The following ACP2 variants were observed in gnomAD, a reference collection of about 807,000 sequenced individuals.
ACP2 encodes lysosomal acid phosphatase.
ACP2 carries 35 observed loss-of-function variants against 54.7 expected under a neutral mutation model. That is an observed-to-expected ratio of 0.64 (90% CI 0.49 to 0.85). ACP2 has a LOEUF of 0.85. Among genes scored for constraint, ACP2 ranks in the 40% least tolerant of loss-of-function variants. The pLI is 0.00. For missense variants in ACP2, 492 were observed against 565.0 expected, an observed-to-expected ratio of 0.87 and a Z score of 1.31; for synonymous variants, 210 against 224.4, an observed-to-expected ratio of 0.94 and a Z score of 0.57.
chr11:47,241,511 C>G (rs1373303434), intron 10 of ACP2, among the ~76,000 whole-genome samples: 1 of 152,090 alleles, frequency 6.6e-6, no homozygotes, highest in South Asian at 2.1e-4. Context: ...GAGCAAAACT[C>G]CATCTCAAAA....
chr11:47,247,562 C>T, intron 3 of ACP2, 79 bp downstream of exon 3: 1 of 1,547,880 alleles, frequency 6.5e-7, no homozygotes, highest in Non-Finnish European at 8.9e-7. Context: ...AGTGCCCAGC[C>T]TCAGCCTTAG....
At chr11:47,243,423 C>T (rs1953947354) in intron 7 of ACP2, 102 bp from the exon 8 acceptor site, 5 of 937,988 alleles carry the variant, frequency 5.3e-6, no homozygotes, top group Non-Finnish European at 8.2e-6. Flanking sequence ...TGGGCCTCAT[C>T]ACCTACACGG....
rs1326853660 is a variant in ACP2 at position 47,245,195 on chromosome 11, G to A, written c.639+110C>T. 5 of 1,227,328 alleles carry A rather than the reference G, an allele frequency of 4.1e-6. No homozygotes were observed. The Admixed American group carries it at 6.7e-5, about 17-fold the overall frequency. The allele number at this position is 1,227,328 out of a possible 1,614,324, so 76.0% of individuals were successfully genotyped here. A position where few individuals can be genotyped will look rare whatever the true frequency, so the allele number is the denominator to read the frequency against. ...CGTGTTTCACAAGCACAGCCTCCCT[G>A]GACCTCCCCAGGGGCGTGACGGTAT... is the stretch of plus-strand genomic sequence containing the variant. On this transcript the variant is annotated intron_variant, in intron 6 of 10. Coordinates refer to ENST00000672073, the MANE Select transcript of ACP2 (RefSeq NM_001610.4).
rs1954174609 is a variant in ACP2, at chr11:47,247,300, G to A, written c.297+341C>T. 3 of 393,492 alleles carry A rather than the reference G, an allele frequency of 7.6e-6. No individual in the cohort carries two copies. The East Asian group carries it at 1.7e-4, about 22-fold the overall frequency. The allele number at this position is 393,492 out of a possible 1,614,324, so 24.4% of individuals were successfully genotyped here. On this transcript the variant is annotated intron_variant, in intron 3 of 10. Transcript: ENST00000672073. ...AAGACAGAGATCATATCTGTATGGT[G>A]CACAACTGAATGCAAAGTGCTAGCA...
rs1449251159 is a variant in ACP2 at position 47,243,088 on chromosome 11, C to A, written c.892G>T (p.Asp298Tyr). 1 of 1,614,224 alleles carries A rather than the reference C, an allele frequency of 6.2e-7. No homozygotes were observed. The highest frequency in any genetic ancestry group is 2.2e-5 in the East Asian group (1 of 44,886). Residue 298 changes from aspartate (D) to tyrosine (Y), a missense_variant, in exon 9 of 11, where the codon GAT becomes TAT. Physicochemically the swap from Asp to Tyr is radical, Grantham distance 160. Coordinates refer to ENST00000672073, the MANE Select transcript of ACP2 (RefSeq NM_001610.4). ...TTLVALQMALDVYNGEQAPYA... is the reference protein window; with the variant it reads ...TTLVALQMALYVYNGEQAPYA... ...GGGGCTTGTTCACCATTGTAGACAT[C>A]CAGTGCCATTTGCAGGGCAACCAGG...
chr11:47,243,058 C>G lies in ACP2; in HGVS notation c.922G>C (p.Ala308Pro), dbSNP rs761987849. ...DVYNGEQAPY[A>P]SCHIFELYQE... is the part of the protein sequence containing the mutation. ...TACAGTTCAAATATGTGGCAGGAGGCGTAGGGGGCTTGTTCACCATTGTAG... is the reference window on the plus strand; with the variant it reads ...TACAGTTCAAATATGTGGCAGGAGGGGTAGGGGGCTTGTTCACCATTGTAG... The change falls in exon 9 of 11, where the codon GCC becomes CCC. Residue 308 changes from alanine (A) to proline (P), a missense_variant. Ala to Pro is a conservative substitution (Grantham distance 27). Transcript: ENST00000672073. The G allele has an allele frequency of 6.2e-7, 1 of 1,614,240 alleles. No individual in the cohort carries two copies. The highest frequency in any genetic ancestry group is 8.5e-7 in the Non-Finnish European group (1 of 1,180,038).
In ACP2 at chr11:47,247,726, T is replaced by G. The variant is rs761206449; in HGVS notation, c.212A>C (p.Glu71Ala). The change falls in exon 3 of 11, where the codon GAG becomes GCG. Residue 71 changes from glutamate to alanine, a missense_variant and splice_region_variant. Glu to Ala is a moderately radical substitution (Grantham distance 107). Coordinates refer to ENST00000672073, the MANE Select transcript of ACP2 (RefSeq NM_001610.4). Reference sequence around the variant, plus strand: ...CAGTTCCCAGTGCTGTAGCATCCCCTCCTGTGGGCAAACCCAAGGGTTAAG... The same window carrying G: ...CAGTTCCCAGTGCTGTAGCATCCCCGCCTGTGGGCAAACCCAAGGGTTAAG... The part of the protein sequence containing the change: ...WPQGFGQLTK[E>A]GMLQHWELGQ... The G allele has an allele frequency of 1.9e-6, 3 of 1,613,304 alleles. No individual in the cohort carries two copies. The African/African-American group carries it at 4.0e-5, about 22-fold the overall frequency.
intron 3 of ACP2, 54 bp downstream of exon 3, chr11:47,247,587 A>C: frequency 1.2e-6 from 2 of 1,607,648 alleles, no homozygotes; most frequent in Non-Finnish European, 1.7e-6. Flanking sequence ...CCTGAGGGCA[A>C]AAGATGAGGG....
rs1362500135 is a variant in ACP2 at position 47,239,337 on chromosome 11, T to C, written c.*779A>G. 9.7e-6 allele frequency: 2 copies of C among 207,248 alleles called. No individual in the cohort carries two copies. Among genetic ancestry groups the C allele is most frequent in the East Asian group, 7.9e-5 (1 of 12,588 alleles). 12.8% of individuals were successfully genotyped at this position (207,248 alleles called of 1,614,324 possible). On this transcript the variant is annotated 3_prime_UTR_variant, in exon 11 of 11. Transcript: ENST00000672073. ...ATAGGAAACAGCACTATTCATTCTC[T>C]GGGAGCTGCCCCAGCCCTATTCTGG... is the stretch of plus-strand genomic sequence containing the variant.
intron 7 of ACP2, 118 bp downstream of exon 7, chr11:47,244,616 GT>G: frequency 1.4e-6 from 1 of 732,728 alleles, no homozygotes; most frequent in Non-Finnish European, 2.0e-6. Flanking sequence ...GGGGGATTTG[GT>G]TTTGAAAGAG....
At position 47,245,362 on chromosome 11, in the gene ACP2, C is replaced by T. The variant is rs766545927; in HGVS notation, c.582G>A (p.Gly194=). 1 of 1,614,124 alleles carries T rather than the reference C, an allele frequency of 6.2e-7. No homozygotes were observed. Among genetic ancestry groups the T allele is most frequent in the South Asian group, 1.1e-5 (1 of 91,070 alleles). The change falls in exon 6 of 11, where the codon GGG becomes GGA. Residue 194 remains glycine (G), a synonymous_variant. Transcript: ENST00000672073. ...CGGTCTCCAGTGTCAGGTCTGTAAG[C>T]CCTGTCTCGTTGGCCACCATGTCCA... ...QFLDMVANET[G]LTDLTLETVW...
chr11:47,243,659 A>C (rs571204292), intron 7 of ACP2, among the ~76,000 whole-genome samples: 52 of 152,268 alleles, frequency 3.4e-4, no homozygotes, highest in African/African-American at 1.2e-3. Context: ...CCGGGTAACT[A>C]CCATATGCTC....
At chr11:47,240,354 C>T (rs1953840054) in intron 10 of ACP2, 105 bp from the exon 11 acceptor site, 3 of 648,646 alleles carry the variant, frequency 4.6e-6, no homozygotes, top group Non-Finnish European at 8.4e-6. Flanking sequence ...GACAGAGTCC[C>T]TGCTCTCATG....
intron 7 of ACP2, among the ~76,000 whole-genome samples, chr11:47,243,654 T>G (rs1432539281): frequency 1.3e-5 from 2 of 152,132 alleles, no homozygotes; most frequent in African/African-American, 2.4e-5. Context: ...CATGCCCGGG[T>G]AACTACCATA....
intron 6 of ACP2, 135 bp downstream of exon 6, chr11:47,245,170 C>G: frequency 9.5e-7 from 1 of 1,049,506 alleles, no homozygotes; most frequent in Non-Finnish European, 1.5e-6. Context: ...GGGAAGTTCC[C>G]GTGTTTCACA....
At chr11:47,244,392 G>A (rs1953975479) in intron 7 of ACP2, among the ~76,000 whole-genome samples, 1 of 152,120 alleles carries the variant, frequency 6.6e-6, no homozygotes, top group Non-Finnish European at 1.5e-5. Context: ...GCATGTGCCT[G>A]CAATCCCAGC....
chr11:47,242,719 T>C lies in ACP2; in HGVS notation c.1138+4A>G, dbSNP rs145123059. 4.9e-4 allele frequency: 788 copies of C among 1,609,880 alleles called. 3 individuals carry two copies. In the African/African-American group the frequency reaches 8.8e-3, roughly 18 times the overall value. On this transcript the variant is annotated splice_donor_region_variant and intron_variant, in intron 10 of 10. Transcript: ENST00000672073. ...GACTAGCAAGGAGGCCGGTGACAGCTCACCTGTGTCTGCAGGACCGCTTGC... is the reference window on the plus strand; with the variant it reads ...GACTAGCAAGGAGGCCGGTGACAGCCCACCTGTGTCTGCAGGACCGCTTGC...
At position 47,245,736 on chromosome 11, in the gene ACP2, C is replaced by T. The variant is rs371621192; in HGVS notation, c.396G>A (p.Pro132=). 78 of 1,613,562 alleles carry T rather than the reference C, an allele frequency of 4.8e-5. No homozygotes were observed. The highest frequency in any genetic ancestry group is 6.4e-5 in the Non-Finnish European group (75 of 1,179,740). The change falls in exon 4 of 11, where the codon CCG becomes CCA. Residue 132 remains proline (P), a synonymous_variant. Coordinates refer to ENST00000672073, the MANE Select transcript of ACP2 (RefSeq NM_001610.4). ...FPPNGMQRFN[P]NISWQPIPVH... ...CAGGAATAGGCTGCCACGAGATGTT[C>T]GGGTTGAAGCGCTGCATCCCGTTGG...
Position 47,239,454 on chromosome 11 carries a change from T to C in ACP2, c.*662A>G, listed in dbSNP as rs1953810213. On this transcript the variant is annotated 3_prime_UTR_variant, in exon 11 of 11. Transcript: ENST00000672073. The stretch of plus-strand genomic sequence containing the variant: ...GCCCAGCTGAGGGAGAGCAGTTTCC[T>C]GATTCGTGTGACAAGCAACTCCCTT... The C allele has an allele frequency of 1.2e-5, 2 of 167,504 alleles. No homozygotes were observed. Among genetic ancestry groups the C allele is most frequent in the Non-Finnish European group, 2.6e-5 (2 of 76,704 alleles). 10.4% of individuals were successfully genotyped at this position (167,504 alleles called of 1,614,324 possible).
Sources: gnomAD v4.1 joint callset for allele counts (sites outside exome capture counted in the v4.1 genomes callset) on GRCh38, gnomAD v4.1.1 for gene constraint, MANE v1.5 for transcripts, NCBI Gene and HGNC (gene_info 2026-07-23, HGNC 2026-07-21) for gene names.